Variants in FRMD3 observed in about 807,000 individuals in gnomAD.
The protein encoded by FRMD3 is FERM domain containing 3, also known as FERM domain-containing protein 3.
Under a neutral mutation model 70.2 loss-of-function variants are expected in FRMD3, and 33 were observed. The ratio of observed to expected loss-of-function variants is 0.47; its 90% CI spans 0.36 to 0.63. The LOEUF (loss-of-function observed/expected upper bound fraction) is 0.63, where lower values mean the gene tolerates loss of function less well. FRMD3 is among the 20% of genes least tolerant of loss of function. The pLI is 0.00. For synonymous variants in FRMD3, 279 were observed against 255.9 expected (o/e 1.09, Z -0.86); for missense variants, 632 against 711.4 (o/e 0.89, Z 1.27).
intron 1 of FRMD3, among the ~76,000 whole-genome samples, chr9:83,449,791 G>A (rs1302427359): frequency 3.3e-5 from 5 of 152,174 alleles, no homozygotes; most frequent in Admixed American, 6.5e-5. Flanking sequence ...TTCAGGAATT[G>A]AAAGTTGGAC....
intron 13 of FRMD3, among the ~76,000 whole-genome samples, chr9:83,266,620 G>A (rs1459028259): frequency 1.3e-5 from 2 of 152,170 alleles, no homozygotes; most frequent in Non-Finnish European, 2.9e-5. Context: ...GCAGATCTGA[G>A]CTCTGACCCT....
the FRMD3 span, among the ~76,000 whole-genome samples, chr9:83,579,356 GACATCAC>G: frequency 6.6e-6 from 1 of 150,622 alleles, no homozygotes; most frequent in Non-Finnish European, 1.5e-5. Flanking sequence ...CAAAGCTGGA[GACATCAC>G]ACTCCCTGAT....
chr9:83,417,286 A>G (rs1425574189), intron 1 of FRMD3, among the ~76,000 whole-genome samples: 1 of 152,236 alleles, frequency 6.6e-6, no homozygotes, highest in Admixed American at 6.5e-5. Flanking sequence ...CTAGGTGCTA[A>G]AAATAAAACA....
downstream of FRMD3, chr9:83,244,581 A>G (rs1216447225): frequency 4.2e-6 from 3 of 718,840 alleles, no homozygotes; most frequent in Non-Finnish European, 5.1e-6. Context: ...CAACCTGACT[A>G]TACAACTTTA....
chr9:83,309,694 T>TACAGGTG, intron 9 of FRMD3, 70 bp from the exon 10 acceptor site: 1 of 913,036 alleles, frequency 1.1e-6, no homozygotes, highest in East Asian at 2.5e-5. Context: ...GGTTTTTTTT[T>TACAGGTG]TTCAGGTGTT....
rs762545757 is a variant in FRMD3, at chr9:83,372,982, G to T, written c.253-27C>A. On this transcript the variant is annotated intron_variant, in intron 2 of 13. Transcript: ENST00000304195. ...TAGGGAGGAAAAAAAAAAAAGCAGA[G>T]ATCAGGGGTCAAATTGCTGGACCAT... 6.3e-6 allele frequency: 10 copies of T among 1,592,820 alleles called. No individual in the cohort carries two copies. The Admixed American group carries it at 8.4e-5, about 13-fold the overall frequency.
chr9:83,546,346 G>A, the FRMD3 span, among the ~76,000 whole-genome samples: 9 of 152,018 alleles, frequency 5.9e-5, no homozygotes, highest in African/African-American at 1.9e-4. Flanking sequence ...GACAGAGCAA[G>A]ACTGCGTCTC....
intron 1 of FRMD3, among the ~76,000 whole-genome samples, chr9:83,481,966 A>C (rs1828576924): frequency 6.6e-6 from 1 of 151,920 alleles, no homozygotes; most frequent in African/African-American, 2.4e-5. Flanking sequence ...CATAACAAAA[A>C]AAAAAAAAAA....
At chr9:83,274,719 T>A (rs1833739793) in intron 13 of FRMD3, among the ~76,000 whole-genome samples, 1 of 152,102 alleles carries the variant, frequency 6.6e-6, no homozygotes, top group South Asian at 2.1e-4. Flanking sequence ...GGCCCCACTG[T>A]ATGGGACTGG....
intron 13 of FRMD3, among the ~76,000 whole-genome samples, chr9:83,266,819 T>G (rs541376325): frequency 6.6e-6 from 1 of 152,248 alleles, no homozygotes; most frequent in Admixed American, 6.5e-5. Context: ...CCCTCCTGTT[T>G]CCCCTTTGCA....
chr9:83,264,811 G>GGC (rs926590148), intron 13 of FRMD3, among the ~76,000 whole-genome samples: 1 of 151,234 alleles, frequency 6.6e-6, no homozygotes, highest in Non-Finnish European at 1.5e-5. Flanking sequence ...CAATTGTGGG[G>GGC]GGAGGGGGGA....
chr9:83,556,620 T>G, the FRMD3 span, among the ~76,000 whole-genome samples: 1 of 152,208 alleles, frequency 6.6e-6, no homozygotes, highest in Non-Finnish European at 1.5e-5. Context: ...CTCTCCATTG[T>G]TGTTTCTCAG....
intron 7 of FRMD3, among the ~76,000 whole-genome samples, chr9:83,312,761 G>C (rs11140019): frequency 0.18 from 26,417 of 146,274 alleles, 2,415 homozygotes; most frequent in African/African-American, 0.22. Context: ...CCGCCGCCCT[G>C]CGCCCCGCCC....
chr9:83,526,141 C>A (rs1271810691), intron 1 of FRMD3, among the ~76,000 whole-genome samples: 2 of 152,230 alleles, frequency 1.3e-5, no homozygotes, highest in South Asian at 4.1e-4. Flanking sequence ...TGCTTCTCCT[C>A]TAGTCTATCT....
At chr9:83,334,191 A>G (rs1392750873) in intron 6 of FRMD3, among the ~76,000 whole-genome samples, 3 of 152,110 alleles carry the variant, frequency 2.0e-5, no homozygotes, top group Admixed American at 6.6e-5. Context: ...CCTCTAGTAC[A>G]TTTGTCTCCA....
chr9:83,412,462 C>A (rs569564638), intron 1 of FRMD3, among the ~76,000 whole-genome samples: 4 of 152,310 alleles, frequency 2.6e-5, no homozygotes, highest in Non-Finnish European at 5.9e-5. Context: ...AGATAATTTT[C>A]TATAGTGGCT....
upstream of FRMD3, among the ~76,000 whole-genome samples, chr9:83,540,521 T>C (rs190753566): frequency 2.8e-4 from 42 of 152,314 alleles, no homozygotes; most frequent in African/African-American, 9.9e-4. Flanking sequence ...AGGCTGAGAT[T>C]CAACTAGTAT....
Position 83,247,869 on chromosome 9 carries a change from A to T in FRMD3, c.*49T>A. ...CAGAACCAGGCATTTGCTGAAAAAAAGAAATCACTAGCATTGAATATAGCC... is the reference window on the plus strand; with the variant it reads ...CAGAACCAGGCATTTGCTGAAAAAATGAAATCACTAGCATTGAATATAGCC... On this transcript the variant is annotated 3_prime_UTR_variant, in exon 14 of 14. Transcript: ENST00000304195. The T allele has an allele frequency of 6.3e-7, 1 of 1,579,400 alleles. No individual in the cohort carries two copies. The highest frequency in any genetic ancestry group is 8.6e-7 in the Non-Finnish European group (1 of 1,162,012).
At chr9:83,512,949 G>A (rs1362282321) in intron 1 of FRMD3, among the ~76,000 whole-genome samples, 1 of 152,200 alleles carries the variant, frequency 6.6e-6, no homozygotes, top group African/African-American at 2.4e-5. Context: ...CAGTCACACT[G>A]TGAAGCAGGG....
Sources: gnomAD v4.1 joint callset for allele counts (sites outside exome capture counted in the v4.1 genomes callset) on GRCh38, gnomAD v4.1.1 for gene constraint, MANE v1.5 for transcripts, NCBI Gene and HGNC (gene_info 2026-07-23, HGNC 2026-07-21) for gene names.